The following TBC1D16 variants were observed in gnomAD, a reference collection of about 807,000 sequenced individuals.
TBC1D16 encodes the protein TBC1 domain family member 16.
TBC1D16 carries 58 observed loss-of-function variants against 74.7 expected under a neutral mutation model. The observed-to-expected ratio is 0.78, with a 90% CI of 0.63 to 0.97. TBC1D16 has a LOEUF of 0.97. Ranked by LOEUF, TBC1D16 falls within the 50% of genes least tolerant of loss-of-function variation. The pLI, the probability that TBC1D16 is intolerant of heterozygous loss-of-function variation, is 0.00. For missense variants in TBC1D16, 1,014 were observed against 1,079.5 expected (o/e 0.94, Z 0.85); for synonymous variants, 493 against 474.7 (o/e 1.04, Z -0.50).
Position 79,975,254 on chromosome 17 carries a change from T to C in TBC1D16, c.780-22436A>G, listed in dbSNP as rs1056609213. On this transcript the variant is annotated intron_variant, in intron 3 of 11. Coordinates refer to ENST00000310924, the MANE Select transcript of TBC1D16 (RefSeq NM_019020.4). This position sits in a 1 kb window ranked among gnomAD's most constrained non-coding sequence, Gnocchi z 4.5. ...GTGTCAGGAAAGCTAGTCTTTGGGA[T>C]TCAAGGAAGAACAAAACAAACCCGA... Among the ~76,000 whole-genome samples the C allele has an allele frequency of 2.0e-5, 3 of 152,218 alleles. No individual in the cohort carries two copies. The highest frequency in any genetic ancestry group is 2.9e-5 in the Non-Finnish European group (2 of 68,034).
chr17:80,010,609 G>A lies in TBC1D16; in HGVS notation c.330C>T (p.Arg110=), dbSNP rs747120557. 4.4e-6 allele frequency: 7 copies of A among 1,584,554 alleles called. No individual in the cohort carries two copies. The African/African-American group carries it at 8.2e-5, about 18-fold the overall frequency. ...AGCTCCGGGTGCGCCGGCCCCGAGG[G>A]CGGGGTGCCTTGCGAACGGGGGAGC... is the stretch of plus-strand genomic sequence containing the variant. ...PESSPVRKAP[R]PRGRRTRSSG... Residue 110 remains arginine, a synonymous_variant, in exon 3 of 12, where the codon CGC becomes CGT. Transcript: ENST00000310924. The surrounding 1 kb of genome is among the most constrained non-coding windows in gnomAD (Gnocchi z 8.8).
chr17:79,950,837 A>G lies in TBC1D16; in HGVS notation c.1090-259T>C. 2 of 1,527,524 alleles carry G rather than the reference A, an allele frequency of 1.3e-6. No homozygotes were observed. The highest frequency in any genetic ancestry group is 1.8e-6 in the Non-Finnish European group (2 of 1,141,832). 94.6% of individuals were successfully genotyped at this position (1,527,524 alleles called of 1,614,324 possible). On this transcript the variant is annotated intron_variant, in intron 5 of 11. Coordinates refer to ENST00000310924, the MANE Select transcript of TBC1D16 (RefSeq NM_019020.4). This position sits in a 1 kb window ranked among gnomAD's most constrained non-coding sequence, Gnocchi z 4.6. Reference sequence around the variant, plus strand: ...GCCGCCCCCCACTCTCTCCAACCCCAGCCGCAAAAACGGAATGAATGCCTC... The same window carrying G: ...GCCGCCCCCCACTCTCTCCAACCCCGGCCGCAAAAACGGAATGAATGCCTC...
chr17:79,996,103 C>T (rs571126701), intron 3 of TBC1D16, among the ~76,000 whole-genome samples: 1 of 152,268 alleles, frequency 6.6e-6, no homozygotes, highest in South Asian at 2.1e-4. Flanking sequence ...GTCTTCATTG[C>T]AGTGAATCGT....
rs1485981969 is a variant in TBC1D16, at chr17:79,937,042, G to A, written c.*3817C>T. 1 of 151,952 alleles carries A rather than the reference G, an allele frequency of 6.6e-6. No individual in the cohort carries two copies. The highest frequency in any genetic ancestry group is 1.5e-5 in the Non-Finnish European group (1 of 67,958). 9.4% of individuals were successfully genotyped at this position (151,952 alleles called of 1,614,324 possible). On this transcript the variant is annotated 3_prime_UTR_variant, in exon 12 of 12. Transcript: ENST00000310924. ...AGGTGCTTCCTTCCCTCTGCCCAGC[G>A]AGCAAAGGGTGGAGCCTTGGCACCC...
chr17:79,975,066 C>T lies in TBC1D16; in HGVS notation c.780-22248G>A, dbSNP rs187661468. ...CTGCTCCGTCACCTCCTCGCCATGC[C>T]GTCCCCACTGCCAGTGGGCGCAACG... On this transcript the variant is annotated intron_variant, in intron 3 of 11. Coordinates refer to ENST00000310924, the MANE Select transcript of TBC1D16 (RefSeq NM_019020.4). This position sits in a 1 kb window ranked among gnomAD's most constrained non-coding sequence, Gnocchi z 4.5. Among the ~76,000 whole-genome samples the T allele has an allele frequency of 5.1e-3, 778 of 152,330 alleles. 8 individuals carry two copies. The highest frequency in any genetic ancestry group is 0.017 in the African/African-American group (713 of 41,570).
intron 3 of TBC1D16, among the ~76,000 whole-genome samples, chr17:79,998,212 T>C (rs1172651113): frequency 6.6e-6 from 1 of 151,462 alleles, no homozygotes. Context: ...TGCCCATTTA[T>C]CTTTTTCTCC....
rs553140466 is a variant in TBC1D16, at chr17:79,983,042, G to C, written c.779+27118C>G. On this transcript the variant is annotated intron_variant, in intron 3 of 11. Coordinates refer to ENST00000310924, the MANE Select transcript of TBC1D16 (RefSeq NM_019020.4). This position sits in a 1 kb window ranked among gnomAD's most constrained non-coding sequence, Gnocchi z 5.6. Reference sequence around the variant, plus strand: ...GTGTGTGTGCACACGCATCCACCCCGAGCCTCTGTGTGCAGAGCTCCAAGC... The same window carrying C: ...GTGTGTGTGCACACGCATCCACCCCCAGCCTCTGTGTGCAGAGCTCCAAGC... 6.6e-6 allele frequency among the ~76,000 whole-genome samples: 1 copy of C among 152,196 alleles called. No individual in the cohort carries two copies. The highest frequency in any genetic ancestry group is 2.4e-5 in the African/African-American group (1 of 41,448).
At position 80,009,500 on chromosome 17, in the gene TBC1D16, T is replaced by G. The variant is rs570314503; in HGVS notation, c.779+660A>C. On this transcript the variant is annotated intron_variant, in intron 3 of 11. Transcript: ENST00000310924. This position sits in a 1 kb window ranked among gnomAD's most constrained non-coding sequence, Gnocchi z 5.4. ...AGGGCACGGGCCCAACTCTAGCTCC[T>G]GCAAGTGTGGCCAGCAAGGAGTCCA... Among the ~76,000 whole-genome samples the G allele has an allele frequency of 6.6e-6, 1 of 152,332 alleles. No individual in the cohort carries two copies. The highest frequency in any genetic ancestry group is 1.5e-5 in the Non-Finnish European group (1 of 68,014).
chr17:79,995,519 CT>C (rs1217219546), intron 3 of TBC1D16, among the ~76,000 whole-genome samples: 1 of 150,996 alleles, frequency 6.6e-6, no homozygotes, highest in Non-Finnish European at 1.5e-5. Context: ...GGCGCGGTGG[CT>C]CACGCCTGTA....
intron 3 of TBC1D16, among the ~76,000 whole-genome samples, chr17:79,995,641 C>T (rs886685033): frequency 1.3e-5 from 2 of 149,394 alleles, no homozygotes; most frequent in Non-Finnish European, 1.5e-5. Flanking sequence ...AAAAATTAGC[C>T]GGGCGTGGTG....
rs191767465 is a variant in TBC1D16, at chr17:80,015,172, G to A, written c.-62-1563C>T. ...CAGCTGGGCACAATGACTCATGCCT[G>A]TAATCCAAGCACTTTGGGGGGCCGA... On this transcript the variant is annotated intron_variant, in intron 1 of 11. Transcript: ENST00000310924. Among the ~76,000 whole-genome samples, 330 of 152,282 alleles carry A rather than the reference G, an allele frequency of 2.2e-3. 3 individuals are homozygous for A. Among genetic ancestry groups the A allele is most frequent in the African/African-American group, 7.5e-3 (310 of 41,576 alleles).
At position 79,983,151 on chromosome 17, in the gene TBC1D16, TC is replaced by T. The variant is rs1283273486; in HGVS notation, c.779+27008del. 2.6e-5 allele frequency among the ~76,000 whole-genome samples: 4 copies of T among 152,120 alleles called. No homozygotes were observed. Among genetic ancestry groups the T allele is most frequent in the Non-Finnish European group, 5.9e-5 (4 of 68,022 alleles). Reference sequence around the variant, plus strand: ...GGGCATGGGCAAGTGAAATGCTACGTCCCTCACCAACAGGCCGCTGTGCAGG... The same window carrying T: ...GGGCATGGGCAAGTGAAATGCTACGTCCTCACCAACAGGCCGCTGTGCAGG... On this transcript the variant is annotated intron_variant, in intron 3 of 11. Coordinates refer to ENST00000310924, the MANE Select transcript of TBC1D16 (RefSeq NM_019020.4). This position sits in a 1 kb window ranked among gnomAD's most constrained non-coding sequence, Gnocchi z 5.6.
At chr17:79,949,407 C>T (rs78344399) in intron 7 of TBC1D16, among the ~76,000 whole-genome samples, 16,092 of 152,264 alleles carry the variant, frequency 0.11, 1,224 homozygotes, top group Admixed American at 0.25. Flanking sequence ...ATGCCTTCAC[C>T]CCTCCAGGCC....
At chr17:79,953,179 G>A (rs967434387) in intron 3 of TBC1D16, among the ~76,000 whole-genome samples, 5 of 152,186 alleles carry the variant, frequency 3.3e-5, no homozygotes, top group Non-Finnish European at 5.9e-5. Flanking sequence ...GGATAAAGAA[G>A]GCAGGAGAAT....
At position 79,933,699 on chromosome 17, in the gene TBC1D16, A is replaced by C. The variant is rs2031402984; in HGVS notation, c.*7160T>G. 1 of 152,266 alleles carries C rather than the reference A, an allele frequency of 6.6e-6. No homozygotes were observed. The highest frequency in any genetic ancestry group is 2.1e-4 in the South Asian group (1 of 4,830). 9.4% of individuals were successfully genotyped at this position (152,266 alleles called of 1,614,324 possible). A position where few individuals can be genotyped will look rare whatever the true frequency, so the allele number is the denominator to read the frequency against. On this transcript the variant is annotated 3_prime_UTR_variant, in exon 12 of 12. Transcript: ENST00000310924. ...GAAATTGGGGGTTCAAGGTTTGCCC[A>C]GCCGGCCCCAAAGGTGTGGGGGTCC...
At chr17:79,995,561 A>AGTTG (rs1568620735) in intron 3 of TBC1D16, among the ~76,000 whole-genome samples, 1 of 58,748 alleles carries the variant, frequency 1.7e-5, no homozygotes, top group Non-Finnish European at 4.6e-5. Flanking sequence ...TGAGGTGGGC[A>AGTTG]GATCACGAGG....
intron 3 of TBC1D16, among the ~76,000 whole-genome samples, chr17:79,998,150 CAAGAA>C (rs200254241): frequency 0.017 from 2,349 of 135,814 alleles, 87 homozygotes; most frequent in African/African-American, 0.064. Flanking sequence ...AAAAAAAAGA[CAAGAA>C]AAGAAAAGGA....
At chr17:80,026,751 C>A (rs1205479934) in intron 1 of TBC1D16, among the ~76,000 whole-genome samples, 2 of 149,896 alleles carry the variant, frequency 1.3e-5, no homozygotes, top group African/African-American at 5.1e-5. Flanking sequence ...CAGTTGATGC[C>A]CATGACCTTA....
intron 10 of TBC1D16, among the ~76,000 whole-genome samples, chr17:79,942,531 T>TGGGGGGGGGGGG (rs59043351): frequency 1.8e-5 from 1 of 55,080 alleles, no homozygotes; most frequent in African/African-American, 5.9e-5. Context: ...AGGGTGGGGG[T>TGGGGGGGGGGGG]GGGGGGGTAC....
Sources: gnomAD v4.1 joint callset for allele counts (sites outside exome capture counted in the v4.1 genomes callset) on GRCh38, gnomAD v4.1.1 for gene constraint, Gnocchi (gnomAD v3.1) non-coding constraint, MANE v1.5 for transcripts, NCBI Gene and HGNC (gene_info 2026-07-23, HGNC 2026-07-21) for gene names.